ERBIN: variants seen among roughly 807,000 people sequenced by gnomAD.
ERBIN encodes erbb2 interacting protein.
In ERBIN, 60 loss-of-function variants were observed where a neutral mutation model predicts 158.4. That is an observed-to-expected ratio of 0.38 (90% confidence interval 0.31 to 0.47). ERBIN has a LOEUF of 0.47. ERBIN is among the 20% of genes least tolerant of loss of function. ERBIN has a pLI of 0.99. For synonymous variants in ERBIN, 594 were observed against 557.2 expected (o/e 1.07, Z -0.93); for missense variants, 1,610 against 1,648.0 (o/e 0.98, Z 0.40).
chr5:65,942,251 A>C (rs1018549965), intron 1 of ERBIN, among the ~76,000 whole-genome samples: 1 of 152,150 alleles, frequency 6.6e-6, no homozygotes, highest in Non-Finnish European at 1.5e-5. Context: ...TAATGACATA[A>C]CTCAGATTAG....
At chr5:66,027,906 C>T (rs1168049744) in intron 13 of ERBIN, among the ~76,000 whole-genome samples, 3 of 152,020 alleles carry the variant, frequency 2.0e-5, no homozygotes, top group African/African-American at 7.2e-5. Context: ...TTTCCTATAA[C>T]AGTTTGTTCT....
chr5:65,976,701 A>T (rs1055080771), intron 1 of ERBIN, among the ~76,000 whole-genome samples: 13 of 151,328 alleles, frequency 8.6e-5, no homozygotes, highest in African/African-American at 3.2e-4. Flanking sequence ...ACTTGAGATT[A>T]GGGAGTGGTG....
chr5:65,965,368 ATTTG>A (rs1748446752), intron 1 of ERBIN, among the ~76,000 whole-genome samples: 2 of 119,678 alleles, frequency 1.7e-5, no homozygotes, highest in Non-Finnish European at 3.4e-5. Context: ...TTCTTACCAG[ATTTG>A]TTTTTTGTTG....
At chr5:65,949,148 C>T (rs1404553030) in intron 1 of ERBIN, among the ~76,000 whole-genome samples, 6 of 152,060 alleles carry the variant, frequency 3.9e-5, no homozygotes, top group South Asian at 4.2e-4. Flanking sequence ...TTTATATTTA[C>T]GTAGAAGTCC....
At chr5:66,024,037 C>G (rs900731521) in intron 9 of ERBIN, among the ~76,000 whole-genome samples, 1 of 152,068 alleles carries the variant, frequency 6.6e-6, no homozygotes, top group African/African-American at 2.4e-5. Flanking sequence ...CACAAGAATC[C>G]CCATATATGC....
intron 1 of ERBIN, among the ~76,000 whole-genome samples, chr5:65,932,422 A>G (rs1743554969): frequency 6.6e-6 from 1 of 152,102 alleles, no homozygotes; most frequent in Non-Finnish European, 1.5e-5. Flanking sequence ...GTTCTTGTAA[A>G]GGTGTTAGCT....
rs1755663488 is a variant in ERBIN at position 66,021,349 on chromosome 5, A to G, written c.561A>G (p.Glu187=). The change falls in exon 8 of 26, where the codon GAA becomes GAG. Residue 187 remains glutamate (E), a synonymous_variant. Coordinates refer to ENST00000284037, the MANE Select transcript of ERBIN (RefSeq NM_001253697.2). ...CTATGAATAGACTGACCCAGCTGGA[A>G]AGACTGGATTTGGGAAGTAACGAAT... is the stretch of plus-strand genomic sequence containing the variant. ...PKTMNRLTQL[E]RLDLGSNEFT... is the part of the protein sequence containing the mutation. The G allele has an allele frequency of 1.0e-5, 16 of 1,604,916 alleles. No homozygotes were observed. The highest frequency in any genetic ancestry group is 2.2e-5 in the East Asian group (1 of 44,598).
chr5:65,936,075 T>C (rs1249929696), intron 1 of ERBIN, among the ~76,000 whole-genome samples: 1 of 151,942 alleles, frequency 6.6e-6, no homozygotes, highest in African/African-American at 2.4e-5. Context: ...CCTGAAGTCT[T>C]GAAGCACCTA....
At chr5:66,072,927 G>A (rs1761658674) in intron 22 of ERBIN, among the ~76,000 whole-genome samples, 1 of 152,118 alleles carries the variant, frequency 6.6e-6, no homozygotes. Flanking sequence ...GCTCTTCAGA[G>A]TAGCTACCTG....
intron 21 of ERBIN, among the ~76,000 whole-genome samples, chr5:66,068,417 A>C (rs1761217023): frequency 6.6e-6 from 1 of 152,144 alleles, no homozygotes; most frequent in Non-Finnish European, 1.5e-5. Flanking sequence ...ATATGTTAGA[A>C]TTTGCATAAA....
chr5:65,950,855 A>G (rs938192208), intron 1 of ERBIN, among the ~76,000 whole-genome samples: 2 of 152,184 alleles, frequency 1.3e-5, no homozygotes, highest in Admixed American at 1.3e-4. Flanking sequence ...ATGAAAGAGA[A>G]TATGGCATAG....
intron 23 of ERBIN, among the ~76,000 whole-genome samples, chr5:66,075,660 T>C (rs1045990409): frequency 1.3e-5 from 2 of 152,204 alleles, no homozygotes; most frequent in South Asian, 2.1e-4. Context: ...CACATTCTTA[T>C]ATCTTGATAG....
intron 21 of ERBIN, chr5:66,068,837 C>G: frequency 6.8e-7 from 1 of 1,479,372 alleles, no homozygotes; most frequent in African/African-American, 1.4e-5. Context: ...ATTTTGCATG[C>G]TACACTAATC....
At chr5:65,934,276 A>C (rs1355521272) in intron 1 of ERBIN, among the ~76,000 whole-genome samples, 1 of 152,242 alleles carries the variant, frequency 6.6e-6, no homozygotes, top group Non-Finnish European at 1.5e-5. Flanking sequence ...TACCATCAAA[A>C]TCAGAAAGTA....
intron 8 of ERBIN, 132 bp from the exon 9 acceptor site, chr5:66,023,158 C>T (rs1280593750): frequency 4.7e-6 from 3 of 640,980 alleles, no homozygotes; most frequent in Admixed American, 3.1e-5. Flanking sequence ...TTTATTTTTC[C>T]TTCTCCCTGC....
At chr5:66,064,247 A>G (rs1760761857) in intron 21 of ERBIN, among the ~76,000 whole-genome samples, 1 of 152,234 alleles carries the variant, frequency 6.6e-6, no homozygotes, top group Non-Finnish European at 1.5e-5. Context: ...ATCAAGAAGG[A>G]ATTCTGAAAG....
intron 1 of ERBIN, among the ~76,000 whole-genome samples, chr5:65,963,077 A>G (rs1748094312): frequency 6.6e-6 from 1 of 152,222 alleles, no homozygotes; most frequent in Non-Finnish European, 1.5e-5. Flanking sequence ...CAGAAGTTTC[A>G]TCATGTGATT....
intron 1 of ERBIN, among the ~76,000 whole-genome samples, chr5:65,951,520 C>T (rs1746500876): frequency 1.3e-5 from 2 of 152,096 alleles, no homozygotes; most frequent in South Asian, 4.1e-4. Flanking sequence ...TTTTTAGGTC[C>T]TCTGCAGAGA....
In ERBIN at chr5:65,974,173, C is replaced by G. The variant is rs142786532; in HGVS notation, c.-57-14462C>G. On this transcript the variant is annotated intron_variant, in intron 1 of 25. Transcript: ENST00000284037. ...CCATGGAGTTTTATTGCAGCAAAAACAAAAATCCATATGTATATAAGTGTT... is the reference window on the plus strand; with the variant it reads ...CCATGGAGTTTTATTGCAGCAAAAAGAAAAATCCATATGTATATAAGTGTT... Among the ~76,000 whole-genome samples, 342 of 151,840 alleles carry G rather than the reference C, an allele frequency of 2.3e-3. 4 individuals are homozygous for G. In the South Asian group the frequency reaches 0.039, roughly 17 times the overall value.
Sources: gnomAD v4.1 joint callset for allele counts (sites outside exome capture counted in the v4.1 genomes callset) on GRCh38, gnomAD v4.1.1 for gene constraint, MANE v1.5 for transcripts, NCBI Gene and HGNC (gene_info 2026-07-23, HGNC 2026-07-21) for gene names.